The following RFPL1 variants were observed in gnomAD, a reference collection of about 807,000 sequenced individuals.
The protein encoded by RFPL1 is ret finger protein-like 1.
Under a neutral mutation model 9.6 loss-of-function variants are expected in RFPL1, and 6 were observed. The ratio of observed to expected loss-of-function variants is 0.62; its 90% confidence interval spans 0.34 to 1.23. The LOEUF (loss-of-function observed/expected upper bound fraction) is 1.23. RFPL1 is among the 50% of genes most tolerant of loss of function. The pLI is 0.03. For synonymous variants in RFPL1, 145 were observed against 149.4 expected (o/e 0.97, Z 0.22); for missense variants, 352 against 398.4 (o/e 0.88, Z 0.99).
chr22:29,401,426 AC>A, the RFPL1 span, among the ~76,000 whole-genome samples: 1 of 152,220 alleles, frequency 6.6e-6, no homozygotes. Flanking sequence ...TTTCAATGTG[AC>A]ACTTAAAGAG....
At chr22:29,398,996 T>C in the RFPL1 span, among the ~76,000 whole-genome samples, 1 of 152,202 alleles carries the variant, frequency 6.6e-6, no homozygotes, top group South Asian at 2.1e-4. Flanking sequence ...TTGTTTATCT[T>C]GGTCAAAGCG....
chr22:29,425,021 A>G, the RFPL1 span, among the ~76,000 whole-genome samples: 5 of 151,460 alleles, frequency 3.3e-5, no homozygotes, highest in South Asian at 2.1e-4. Flanking sequence ...TGGCTAACAC[A>G]GTGAAACCCC....
chr22:29,396,776 C>T, the RFPL1 span, among the ~76,000 whole-genome samples: 1 of 151,390 alleles, frequency 6.6e-6, no homozygotes, highest in Non-Finnish European at 1.5e-5. Flanking sequence ...CCACACCTGG[C>T]TAATTTTTGT....
At chr22:29,393,403 A>G in the RFPL1 span, among the ~76,000 whole-genome samples, 1 of 152,234 alleles carries the variant, frequency 6.6e-6, no homozygotes, top group Non-Finnish European at 1.5e-5. Flanking sequence ...AAGAGGAAGT[A>G]CAGTTCAAAG....
chr22:29,442,147 A>T (rs2062844272), exon 2 of RFPL1: 1 of 1,497,510 alleles, frequency 6.7e-7, no homozygotes, highest in South Asian at 1.4e-5. Flanking sequence ...AAAACAAAAA[A>T]CAGGTTAAGA....
the RFPL1 span, among the ~76,000 whole-genome samples, chr22:29,409,986 A>G: frequency 6.6e-6 from 1 of 152,066 alleles, no homozygotes; most frequent in African/African-American, 2.4e-5. Flanking sequence ...CAGCCAACAA[A>G]GACTTGCTAA....
At chr22:29,433,290 CAA>C in the RFPL1 span, 19 of 111,002 alleles carry the variant, frequency 1.7e-4, no homozygotes, top group Admixed American at 4.1e-4. Context: ...GACTCCGTCT[CAA>C]AAAAAAAAAA....
chr22:29,425,953 A>G, the RFPL1 span, among the ~76,000 whole-genome samples: 185 of 152,236 alleles, frequency 1.2e-3, 1 homozygote, highest in African/African-American at 4.3e-3. Flanking sequence ...TTTTGTCCAT[A>G]TTTTTAGAGA....
chr22:29,419,761 T>C, the RFPL1 span, among the ~76,000 whole-genome samples: 1 of 134,818 alleles, frequency 7.4e-6, no homozygotes, highest in Non-Finnish European at 1.5e-5. Context: ...ATGACACCAC[T>C]ACACTCCAGC....
chr22:29,416,715 A>G, the RFPL1 span, among the ~76,000 whole-genome samples: 2 of 152,176 alleles, frequency 1.3e-5, no homozygotes, highest in East Asian at 3.9e-4. Flanking sequence ...AGCACACACC[A>G]TACACCAAGC....
At chr22:29,429,283 T>C in the RFPL1 span, among the ~76,000 whole-genome samples, 1 of 151,982 alleles carries the variant, frequency 6.6e-6, no homozygotes, top group Non-Finnish European at 1.5e-5. Flanking sequence ...CCTGTACTCC[T>C]GCTGCAAGCA....
chr22:29,416,450 G>A, the RFPL1 span, among the ~76,000 whole-genome samples: 5 of 152,286 alleles, frequency 3.3e-5, no homozygotes, highest in South Asian at 2.1e-4. Flanking sequence ...CCAGCTGACC[G>A]TCCTAAAGAA....
At chr22:29,425,029 C>A in the RFPL1 span, among the ~76,000 whole-genome samples, 1 of 151,536 alleles carries the variant, frequency 6.6e-6, no homozygotes, top group East Asian at 2.0e-4. Context: ...ACAGTGAAAC[C>A]CCGTCTCTAC....
At chr22:29,409,005 G>A in the RFPL1 span, among the ~76,000 whole-genome samples, 1 of 151,848 alleles carries the variant, frequency 6.6e-6, no homozygotes, top group Admixed American at 6.6e-5. Flanking sequence ...GATCCTCATG[G>A]TGTTTTTTTT....
chr22:29,417,306 T>C, the RFPL1 span, among the ~76,000 whole-genome samples: 4 of 152,012 alleles, frequency 2.6e-5, no homozygotes, highest in East Asian at 1.9e-4. Flanking sequence ...GGAATCTGAC[T>C]TGGAAGGAGG....
the RFPL1 span, among the ~76,000 whole-genome samples, chr22:29,401,129 G>A: frequency 2.6e-5 from 4 of 152,156 alleles, 1 homozygote; most frequent in Non-Finnish European, 5.9e-5. Flanking sequence ...CATACCCATG[G>A]CTTCAATTGT....
At chr22:29,425,420 C>T in the RFPL1 span, among the ~76,000 whole-genome samples, 29 of 152,050 alleles carry the variant, frequency 1.9e-4, no homozygotes, top group Admixed American at 1.9e-3. Context: ...TGCATCTTGA[C>T]CATGGAAAGG....
At chr22:29,421,285 C>T in the RFPL1 span, among the ~76,000 whole-genome samples, 1 of 152,112 alleles carries the variant, frequency 6.6e-6, no homozygotes, top group Non-Finnish European at 1.5e-5. Context: ...AAAACCCCAA[C>T]CCCAAAATAA....
At chr22:29,400,035 G>A in the RFPL1 span, among the ~76,000 whole-genome samples, 5 of 138,378 alleles carry the variant, frequency 3.6e-5, no homozygotes, top group South Asian at 1.1e-3. Flanking sequence ...TGGCTCTGTC[G>A]CCCAGGCTGG....
Sources: gnomAD v4.1 joint callset for allele counts (sites outside exome capture counted in the v4.1 genomes callset) on GRCh38, gnomAD v4.1.1 for gene constraint, MANE v1.5 for transcripts, NCBI Gene and HGNC (gene_info 2026-07-23, HGNC 2026-07-21) for gene names.